The following PLEKHG1 variants were observed in gnomAD, a reference collection of about 807,000 sequenced individuals.
PLEKHG1 encodes the protein pleckstrin homology domain-containing family G member 1.
A neutral mutation model predicts 100.8 loss-of-function variants in PLEKHG1; 44 were observed. That is an observed-to-expected ratio of 0.44 (90% CI 0.34 to 0.56). The LOEUF is 0.56. PLEKHG1 is among the 20% of genes least tolerant of loss of function. The pLI, the probability that PLEKHG1 is intolerant of heterozygous loss-of-function variation, is 0.01. For synonymous variants in PLEKHG1, 640 were observed against 662.5 expected, an observed-to-expected ratio of 0.97 and a Z score of 0.52; for missense variants, 1,545 against 1,720.9, an observed-to-expected ratio of 0.90 and a Z score of 1.81.
rs1777465655 is a variant in PLEKHG1, at chr6:150,840,446, ACT to A, written c.3712_3713del (p.Ser1238ArgfsTer15). The stretch of plus-strand genomic sequence containing the variant: ...ACTCGCATCAACAGGGCACTGAAAA[ACT>A]CTCAGATCTCACACTCCAAGACTCA... On this transcript the variant is annotated frameshift_variant, in exon 16 of 16. Transcript: ENST00000358517. LOFTEE classifies it low-confidence loss of function (END_TRUNC). The A allele has an allele frequency of 6.2e-7, 1 of 1,613,714 alleles. No homozygotes were observed. The highest frequency in any genetic ancestry group is 1.1e-5 in the South Asian group (1 of 91,062).
At chr6:150,804,064 C>T (rs10046455) in intron 6 of PLEKHG1, among the ~76,000 whole-genome samples, 6,108 of 142,088 alleles carry the variant, frequency 0.043, 459 homozygotes, top group African/African-American at 0.15. Context: ...TCTTTCCTAT[C>T]CTTGTTTTTT....
At chr6:150,800,797 A>G (rs1311386863) in exon 6 of PLEKHG1, 3 of 1,613,886 alleles carry the variant, frequency 1.9e-6, no homozygotes, top group Admixed American at 1.7e-5. Flanking sequence ...AAACTCTGAA[A>G]CACTCGCTGC....
At chr6:150,716,086 C>A (rs1347382929) in intron 3 of PLEKHG1, among the ~76,000 whole-genome samples, 4 of 130,112 alleles carry the variant, frequency 3.1e-5, no homozygotes, top group Non-Finnish European at 6.4e-5. Flanking sequence ...CCAGCCTGGG[C>A]GACAGAGCGA....
chr6:150,603,706 T>G (rs1473533112), intron 1 of PLEKHG1, among the ~76,000 whole-genome samples: 1 of 151,754 alleles, frequency 6.6e-6, no homozygotes, highest in Non-Finnish European at 1.5e-5. Flanking sequence ...AAAAACACTT[T>G]TTCTGATGAG....
intron 2 of PLEKHG1, among the ~76,000 whole-genome samples, chr6:150,735,271 C>T (rs943059949): frequency 2.0e-5 from 3 of 149,198 alleles, no homozygotes; most frequent in African/African-American, 7.4e-5. Context: ...CAGGCATGAG[C>T]CACCGTGCCT....
intron 3 of PLEKHG1, among the ~76,000 whole-genome samples, chr6:150,669,647 A>C (rs913807609): frequency 9.0e-4 from 120 of 134,036 alleles, no homozygotes; most frequent in African/African-American, 3.4e-3. Context: ...CCCAGGCTGG[A>C]GTGCAGTTGC....
chr6:150,810,550 GGAAA>G lies in PLEKHG1; in HGVS notation c.1278+829_1278+832del, dbSNP rs1306623156. On this transcript the variant is annotated intron_variant, in intron 10 of 15. Transcript: ENST00000358517. ...AGAAAGAAAGAAAGGAAGAAAGGAA[GGAAA>G]GAAAGAAAGAAAATTGAGAGATAGA... is the stretch of plus-strand genomic sequence containing the variant. Among the ~76,000 whole-genome samples, 25 of 119,274 alleles carry G rather than the reference GGAAA, an allele frequency of 2.1e-4. No homozygotes were observed. In the South Asian group the frequency reaches 2.5e-3, roughly 12 times the overall value. 78.2% of individuals were successfully genotyped at this position (119,274 alleles called of 152,430 possible).
chr6:150,820,037 C>T (rs1353943718), intron 12 of PLEKHG1, among the ~76,000 whole-genome samples: 1 of 152,086 alleles, frequency 6.6e-6, no homozygotes, highest in Non-Finnish European at 1.5e-5. Context: ...GGAGAAACCA[C>T]ATCTCTAGTA....
intron 1 of PLEKHG1, among the ~76,000 whole-genome samples, chr6:150,635,537 T>C (rs553098057): frequency 6.6e-6 from 1 of 152,348 alleles, no homozygotes; most frequent in South Asian, 2.1e-4. Flanking sequence ...TCTTCACTTA[T>C]AGGACAATAT....
chr6:150,764,893 C>T (rs1583081534), intron 2 of PLEKHG1, among the ~76,000 whole-genome samples: 1 of 145,496 alleles, frequency 6.9e-6, no homozygotes, highest in East Asian at 2.1e-4. Context: ...TATTTGTTTA[C>T]ACTTGGCTCT....
rs780820463 is a variant in PLEKHG1, at chr6:150,733,578, A to G, written c.-98-6A>G. 6.9e-6 allele frequency: 11 copies of G among 1,604,556 alleles called. No homozygotes were observed. The highest frequency in any genetic ancestry group is 5.4e-5 in the African/African-American group (4 of 74,712). The stretch of plus-strand genomic sequence containing the variant: ...TTGTCCTTTTTATTTTCTTTAATGC[A>G]TATAGATGGGCACCAGTTGCGTCTT... On this transcript the variant is annotated splice_region_variant and splice_polypyrimidine_tract_variant and intron_variant, in intron 1 of 15. Coordinates refer to ENST00000358517, the Ensembl canonical transcript of PLEKHG1.
intron 12 of PLEKHG1, 105 bp from the exon 14 acceptor site, chr6:150,821,090 A>G: frequency 1.2e-6 from 1 of 825,294 alleles, no homozygotes; most frequent in Non-Finnish European, 2.0e-6. Context: ...CAAAAGTTAT[A>G]GAGCTCTGTT....
chr6:150,800,840 C>T (rs1562529534), exon 6 of PLEKHG1: 3 of 1,613,924 alleles, frequency 1.9e-6, no homozygotes, highest in Non-Finnish European at 2.5e-6. Flanking sequence ...ACCAGTTCAG[C>T]GGATTCTCAA....
intron 2 of PLEKHG1, among the ~76,000 whole-genome samples, chr6:150,735,289 A>G (rs77358365): frequency 0.01 from 1,551 of 152,178 alleles, 30 homozygotes; most frequent in African/African-American, 0.035. Flanking sequence ...CCTGGCCTCA[A>G]GGGCAGATTT....
At chr6:150,688,167 T>A (rs1780207904) in intron 3 of PLEKHG1, among the ~76,000 whole-genome samples, 1 of 152,146 alleles carries the variant, frequency 6.6e-6, no homozygotes, top group Non-Finnish European at 1.5e-5. Flanking sequence ...AAAAAATTAA[T>A]CATCTGATTT....
At chr6:150,768,604 A>G (rs1006239981) in intron 2 of PLEKHG1, 34 bp from the exon 4 acceptor site, 1 of 1,093,910 alleles carries the variant, frequency 9.1e-7, no homozygotes, top group Non-Finnish European at 1.4e-6. Flanking sequence ...AAAGGACAGG[A>G]GTGTTTAAGG....
chr6:150,832,795 C>G (rs1195977911), intron 15 of PLEKHG1, among the ~76,000 whole-genome samples: 1 of 151,014 alleles, frequency 6.6e-6, no homozygotes, highest in Non-Finnish European at 1.5e-5. Context: ...GTCCTCCCAC[C>G]TCAGCCTCCT....
rs145156167 is a variant in PLEKHG1, at chr6:150,728,497, G to A, written c.-98-5087G>A. Among the ~76,000 whole-genome samples the A allele has an allele frequency of 8.9e-4, 135 of 152,174 alleles. 3 individuals are homozygous for A. The East Asian group carries it at 0.024, about 27-fold the overall frequency. On this transcript the variant is annotated intron_variant, in intron 1 of 15. Transcript: ENST00000358517. ...CCAGCTATTTGGGAGGCTGAGGTGGGAGGATGGCTTGAACCCAGGAGTGAG... is the reference window on the plus strand; with the variant it reads ...CCAGCTATTTGGGAGGCTGAGGTGGAAGGATGGCTTGAACCCAGGAGTGAG...
chr6:150,772,632 T>C (rs990617792), intron 3 of PLEKHG1, among the ~76,000 whole-genome samples: 2 of 152,206 alleles, frequency 1.3e-5, no homozygotes, highest in Admixed American at 1.3e-4. Context: ...AAATAAGTCA[T>C]ATGCTTTCAC....
Sources: allele counts gnomAD v4.1 joint callset (sites outside exome capture counted in the v4.1 genomes callset), GRCh38; gene constraint gnomAD v4.1.1; transcripts MANE v1.5; gene names NCBI Gene and HGNC (gene_info 2026-07-23, HGNC 2026-07-21).